Variants in SLC16A7 observed in about 807,000 individuals in gnomAD.
SLC16A7 encodes the protein solute carrier family 16 member 7, also known as monocarboxylate transporter 2.
SLC16A7 carries 33 observed loss-of-function variants against 34.9 expected under a neutral mutation model. The observed-to-expected ratio is 0.94, with a 90% CI of 0.72 to 1.26. SLC16A7 has a LOEUF of 1.26. Among genes scored for constraint, SLC16A7 ranks in the 50% most tolerant of loss-of-function variants. The probability of loss-of-function intolerance (pLI) is 0.00; values close to 1 mark genes in which losing one functional copy is unlikely to be tolerated. For missense variants in SLC16A7, 573 were observed against 578.1 expected (o/e 0.99, Z 0.09); for synonymous variants, 201 against 206.6 (o/e 0.97, Z 0.23).
intron 1 of SLC16A7, among the ~76,000 whole-genome samples, chr12:59,648,455 C>T (rs1030051058): frequency 1.3e-4 from 20 of 152,072 alleles, no homozygotes; most frequent in African/African-American, 4.3e-4. Flanking sequence ...ACGTTATATA[C>T]GTTGCCACAT....
Position 59,787,235 on chromosome 12 carries a change from T to C in SLC16A7, c.*7556T>C, listed in dbSNP as rs1302882051. 1 of 152,170 alleles carries C rather than the reference T, an allele frequency of 6.6e-6. No individual in the cohort carries two copies. The highest frequency in any genetic ancestry group is 2.4e-5 in the African/African-American group (1 of 41,444). 9.4% of individuals were successfully genotyped at this position (152,170 alleles called of 1,614,324 possible). ...ACAGTTCAAGTTTAAATTATTAAAT[T>C]GTATGCAAGAAATTATTGCCATAGC... is the stretch of plus-strand genomic sequence containing the variant. On this transcript the variant is annotated 3_prime_UTR_variant, in exon 6 of 6. Transcript: ENST00000547379.
chr12:59,603,579 ATAATTTTTC>A, intron 1 of SLC16A7, among the ~76,000 whole-genome samples: 1 of 152,228 alleles, frequency 6.6e-6, no homozygotes, highest in East Asian at 1.9e-4. Context: ...GATAGGTAGA[ATAATTTTTC>A]TAAAATTTCA....
At chr12:59,612,118 T>C (rs527582520) in intron 1 of SLC16A7, among the ~76,000 whole-genome samples, 1 of 152,306 alleles carries the variant, frequency 6.6e-6, no homozygotes, top group Admixed American at 6.5e-5. Context: ...ACATTTCCCT[T>C]CCTCACTGTC....
At chr12:59,608,415 C>T (rs147557491) in intron 1 of SLC16A7, among the ~76,000 whole-genome samples, 2 of 152,168 alleles carry the variant, frequency 1.3e-5, no homozygotes, top group African/African-American at 4.8e-5. Context: ...GGGGCAGAAA[C>T]TGCAGAATTG....
chr12:59,616,138 C>A (rs1879439424), intron 1 of SLC16A7, among the ~76,000 whole-genome samples: 1 of 152,152 alleles, frequency 6.6e-6, no homozygotes, highest in South Asian at 2.1e-4. Flanking sequence ...GGGCCTGTAA[C>A]CTTTAGTTAT....
At chr12:59,632,217 A>G (rs1384038614) in intron 1 of SLC16A7, among the ~76,000 whole-genome samples, 1 of 152,016 alleles carries the variant, frequency 6.6e-6, no homozygotes, top group Non-Finnish European at 1.5e-5. Flanking sequence ...AAAGAAGATT[A>G]AACTTAAATG....
chr12:59,686,362 A>G lies in SLC16A7; in HGVS notation c.-30-18410A>G, dbSNP rs149040650. Among the ~76,000 whole-genome samples the G allele has an allele frequency of 1.4e-3, 210 of 152,188 alleles. 1 individual carries two copies. Among genetic ancestry groups the G allele is most frequent in the Middle Eastern group, 6.8e-3 (2 of 294 alleles). ...TGCACTGTGTTTTTTACAAATAAAG[A>G]AACTAAGATCCAGTATTATTATCGC... On this transcript the variant is annotated intron_variant, in intron 2 of 5. Transcript: ENST00000547379.
intron 3 of SLC16A7, among the ~76,000 whole-genome samples, chr12:59,713,194 ATTTTTGATAGAGACAGGG>A (rs1179064077): frequency 6.6e-6 from 1 of 151,684 alleles, no homozygotes; most frequent in Admixed American, 6.6e-5. Flanking sequence ...TAATTTTTGT[ATTTTTGATAGAGACAGGG>A]TTTCACCATG....
chr12:59,662,530 T>C (rs1299012973), intron 2 of SLC16A7, among the ~76,000 whole-genome samples: 1 of 152,112 alleles, frequency 6.6e-6, no homozygotes, highest in East Asian at 1.9e-4. Flanking sequence ...CAAAACTTAG[T>C]CACCTTTAGC....
chr12:59,764,728 A>G (rs1289775104), intron 3 of SLC16A7, among the ~76,000 whole-genome samples: 2 of 152,002 alleles, frequency 1.3e-5, no homozygotes, highest in Non-Finnish European at 2.9e-5. Flanking sequence ...AATCCAGTCT[A>G]TCATTGTTGG....
chr12:59,669,441 T>C (rs1869486819), intron 2 of SLC16A7, among the ~76,000 whole-genome samples: 1 of 152,186 alleles, frequency 6.6e-6, no homozygotes, highest in Non-Finnish European at 1.5e-5. Context: ...GATATTTATA[T>C]TCAGAGCCTG....
intron 3 of SLC16A7, among the ~76,000 whole-genome samples, chr12:59,752,577 C>A (rs1404154794): frequency 5.3e-5 from 8 of 151,812 alleles, no homozygotes; most frequent in Non-Finnish European, 5.9e-5. Context: ...AAGAAAGGAG[C>A]AAAGCCTCCA....
intron 3 of SLC16A7, among the ~76,000 whole-genome samples, chr12:59,764,622 G>A (rs1313700653): frequency 6.6e-6 from 1 of 151,874 alleles, no homozygotes; most frequent in African/African-American, 2.4e-5. Context: ...TGAGAACGAT[G>A]GTTTCCAGCT....
At chr12:59,714,334 A>T (rs1446121238) in intron 3 of SLC16A7, among the ~76,000 whole-genome samples, 1 of 152,246 alleles carries the variant, frequency 6.6e-6, no homozygotes. Context: ...CTACCATGTT[A>T]GTCTGCTCTA....
At chr12:59,730,848 A>G (rs1242787654) in intron 3 of SLC16A7, among the ~76,000 whole-genome samples, 1 of 152,168 alleles carries the variant, frequency 6.6e-6, no homozygotes, top group African/African-American at 2.4e-5. Flanking sequence ...TCTCTGAGAG[A>G]CTTGCTCTCA....
rs1269969953 is a variant in SLC16A7, at chr12:59,596,630, C to T, written c.-130+394C>T. On this transcript the variant is annotated intron_variant, in intron 1 of 5. Coordinates refer to ENST00000547379, the MANE Select transcript of SLC16A7 (RefSeq NM_001270623.2). This position sits in a 1 kb window ranked among gnomAD's most constrained non-coding sequence, Gnocchi z 5.0. ...CTGGCTCACGGGACTCCGAGGGCTGCTTCCAGTGCGGCGTGTCTCTAGTGC... is the reference window on the plus strand; with the variant it reads ...CTGGCTCACGGGACTCCGAGGGCTGTTTCCAGTGCGGCGTGTCTCTAGTGC... 2.6e-5 allele frequency among the ~76,000 whole-genome samples: 4 copies of T among 152,196 alleles called. No homozygotes were observed. In the East Asian group the frequency reaches 7.8e-4, roughly 30 times the overall value.
intron 3 of SLC16A7, among the ~76,000 whole-genome samples, chr12:59,750,958 G>A (rs1444589781): frequency 6.6e-6 from 1 of 151,634 alleles, no homozygotes; most frequent in East Asian, 1.9e-4. Context: ...AACTAACACA[G>A]GAACAGAAAA....
intron 3 of SLC16A7, among the ~76,000 whole-genome samples, chr12:59,730,957 T>C (rs1227608269): frequency 6.6e-6 from 1 of 151,746 alleles, no homozygotes; most frequent in Non-Finnish European, 1.5e-5. Context: ...ATGGGGGAGG[T>C]TGTCACTCTA....
At chr12:59,656,794 C>T (rs17122790) in intron 2 of SLC16A7, among the ~76,000 whole-genome samples, 7,519 of 151,962 alleles carry the variant, frequency 0.049, 223 homozygotes, top group Middle Eastern at 0.11. Context: ...TAAGTATGCT[C>T]ATAGGGCTAG....
Sources: gnomAD v4.1 joint callset for allele counts (sites outside exome capture counted in the v4.1 genomes callset) on GRCh38, gnomAD v4.1.1 for gene constraint, Gnocchi (gnomAD v3.1) non-coding constraint, MANE v1.5 for transcripts, NCBI Gene and HGNC (gene_info 2026-07-23, HGNC 2026-07-21) for gene names.